The following PI15 variants were observed in gnomAD, a reference collection of about 807,000 sequenced individuals.
PI15 encodes the protein peptidase inhibitor 15, also known as 25 kDa trypsin inhibitor.
A neutral mutation model predicts 31.0 loss-of-function variants in PI15; 18 were observed. The ratio of observed to expected loss-of-function variants is 0.58; its 90% confidence interval spans 0.40 to 0.86. The LOEUF (loss-of-function observed/expected upper bound fraction) is 0.86, where lower values mean the gene tolerates loss of function less well. Among genes scored for constraint, PI15 ranks in the 40% least tolerant of loss-of-function variants. PI15 has a pLI of 0.00. For synonymous variants in PI15, 118 were observed against 119.1 expected (o/e 0.99, Z 0.06); for missense variants, 282 against 328.1 (o/e 0.86, Z 1.09).
chr8:74,851,746 C>A lies in PI15; in HGVS notation c.*2493C>A, dbSNP rs1194320271. On this transcript the variant is annotated 3_prime_UTR_variant, in exon 6 of 6. Transcript: ENST00000260113. ...AAATCCCACCTTTCCATGCTTAAGA[C>A]AAAAATGTCTTAAATATAAAGCTGT... The A allele has an allele frequency of 5.9e-5, 9 of 151,726 alleles. No individual in the cohort carries two copies. The highest frequency in any genetic ancestry group is 5.9e-4 in the Admixed American group (9 of 15,220). 9.4% of individuals were successfully genotyped at this position (151,726 alleles called of 1,614,324 possible).
chr8:74,854,862 C>T lies in PI15; in HGVS notation c.*5609C>T, dbSNP rs1811158708. 6.6e-6 allele frequency: 1 copy of T among 151,980 alleles called. No homozygotes were observed. Among genetic ancestry groups the T allele is most frequent in the Non-Finnish European group, 1.5e-5 (1 of 67,990 alleles). The allele number at this position is 151,980 out of a possible 1,614,324, so 9.4% of individuals were successfully genotyped here. On this transcript the variant is annotated 3_prime_UTR_variant, in exon 6 of 6. Coordinates refer to ENST00000260113, the MANE Select transcript of PI15 (RefSeq NM_015886.5). ...CAGATTAATTTGGAGAAGTTTTATT[C>T]ATTACCTAATTCTGTGGCAAAAATG...
intron 2 of PI15, among the ~76,000 whole-genome samples, chr8:74,832,869 C>T (rs1810806393): frequency 6.6e-6 from 1 of 152,138 alleles, no homozygotes; most frequent in African/African-American, 2.4e-5. Flanking sequence ...TAAAATTTCA[C>T]ACCACATACT....
At chr8:74,845,038 G>T in intron 3 of PI15, 90 bp from the exon 4 acceptor site, 1 of 1,118,640 alleles carries the variant, frequency 8.9e-7, no homozygotes, top group East Asian at 2.4e-5. Context: ...TGAATAATCT[G>T]CAAAAAGAAC....
rs374827025 is a variant in PI15, at chr8:74,845,256, C to T, written c.521C>T (p.Thr174Met). 187 of 1,612,978 alleles carry T rather than the reference C, an allele frequency of 1.2e-4. No individual in the cohort carries two copies. The highest frequency in any genetic ancestry group is 1.2e-4 in the Non-Finnish European group (147 of 1,179,084). Residue 174 changes from threonine to methionine, a missense_variant, in exon 4 of 6, where the codon ACG (threonine) becomes ATG (methionine). Physicochemically the swap from Thr to Met is moderately conservative, Grantham distance 81. Coordinates refer to ENST00000260113, the MANE Select transcript of PI15 (RefSeq NM_015886.5). ...RCFGPMCTHY[T>M]QMVWATSNRI... is the part of the protein sequence containing the mutation. ...TTTGGTCCCATGTGCACACATTATA[C>T]GCAGGTTATTTCAATTACCTTGTTA...
intron 3 of PI15, 55 bp from the exon 4 acceptor site, chr8:74,845,073 T>C: frequency 2.8e-6 from 4 of 1,423,852 alleles, no homozygotes; most frequent in Non-Finnish European, 4.0e-6. Context: ...GTAACATGAG[T>C]CCCTTATATA....
intron 4 of PI15, 50 bp from the exon 5 acceptor site, chr8:74,845,332 C>G: frequency 6.4e-7 from 1 of 1,574,590 alleles, no homozygotes; most frequent in Non-Finnish European, 8.7e-7. Context: ...GGTGGACATG[C>G]ATTGTCTTAG....
chr8:74,838,294 T>C (rs1453684742), intron 2 of PI15, among the ~76,000 whole-genome samples: 1 of 152,074 alleles, frequency 6.6e-6, no homozygotes, highest in Non-Finnish European at 1.5e-5. Context: ...TATTTTAAAT[T>C]GAAAATGTAG....
At position 74,825,385 on chromosome 8, in the gene PI15, G is replaced by A; in HGVS notation, c.136G>A (p.Ala46Thr). Reference sequence around the variant, plus strand: ...CACTGATATTGAAGCAGCTCTGAAAGCACAATTAGATTCAGCGGATATCCC... The same window carrying A: ...CACTGATATTGAAGCAGCTCTGAAAACACAATTAGATTCAGCGGATATCCC... ...NFTDIEAALKAQLDSADIPKA... is the reference protein window; with the variant it reads ...NFTDIEAALKTQLDSADIPKA... The change falls in exon 2 of 6, where the codon GCA becomes ACA. Residue 46 changes from alanine to threonine, a missense_variant. Coordinates refer to ENST00000260113, the MANE Select transcript of PI15 (RefSeq NM_015886.5). 2 of 1,613,488 alleles carry A rather than the reference G, an allele frequency of 1.2e-6. No individual in the cohort carries two copies. The highest frequency in any genetic ancestry group is 1.7e-6 in the Non-Finnish European group (2 of 1,179,662).
chr8:74,828,585 A>T (rs1252531942), intron 2 of PI15, among the ~76,000 whole-genome samples: 1 of 152,106 alleles, frequency 6.6e-6, no homozygotes, highest in African/African-American at 2.4e-5. Context: ...CTTGTTCAAC[A>T]TTGATTTGGA....
chr8:74,846,646 T>C (rs1385490454), intron 5 of PI15, among the ~76,000 whole-genome samples: 21 of 152,188 alleles, frequency 1.4e-4, no homozygotes, highest in African/African-American at 4.8e-4. Flanking sequence ...CATGCTACAT[T>C]TCAGTTGTAA....
chr8:74,846,173 G>C lies in PI15; in HGVS notation c.641+676G>C, dbSNP rs1048100319. On this transcript the variant is annotated intron_variant, in intron 5 of 5. Coordinates refer to ENST00000260113, the MANE Select transcript of PI15 (RefSeq NM_015886.5). ...TGTGCAAAGGATTTATGACACTCTT[G>C]GTGTCTTCCAAAATAAGTCTCAAAC... is the stretch of plus-strand genomic sequence containing the variant. Among the ~76,000 whole-genome samples the C allele has an allele frequency of 2.6e-5, 4 of 152,072 alleles. 1 individual carries two copies. Among genetic ancestry groups the C allele is most frequent in the African/African-American group, 4.8e-5 (2 of 41,416 alleles).
intron 2 of PI15, among the ~76,000 whole-genome samples, chr8:74,842,901 A>G (rs1237180539): frequency 6.6e-6 from 1 of 152,158 alleles, no homozygotes; most frequent in Non-Finnish European, 1.5e-5. Flanking sequence ...TGTTTTTATA[A>G]CACTATGTAG....
rs1356409226 is a variant in PI15, at chr8:74,851,385, T to C, written c.*2132T>C. ...TTAAACAGAAGATGGCTACACTAAG[T>C]TCCAATTTTGTTGCTGAATTGCTTC... On this transcript the variant is annotated 3_prime_UTR_variant, in exon 6 of 6. Transcript: ENST00000260113. The C allele has an allele frequency of 6.6e-6, 1 of 152,048 alleles. No individual in the cohort carries two copies. The highest frequency in any genetic ancestry group is 1.5e-5 in the Non-Finnish European group (1 of 67,942). The allele number at this position is 152,048 out of a possible 1,614,324, so 9.4% of individuals were successfully genotyped here.
At chr8:74,844,543 G>A (rs1190169490) in intron 3 of PI15, among the ~76,000 whole-genome samples, 2 of 150,998 alleles carry the variant, frequency 1.3e-5, no homozygotes, top group Non-Finnish European at 2.9e-5. Flanking sequence ...AAAAATGTAG[G>A]CATTTACATA....
intron 2 of PI15, among the ~76,000 whole-genome samples, chr8:74,839,853 C>G: frequency 6.6e-6 from 1 of 152,108 alleles, no homozygotes; most frequent in East Asian, 1.9e-4. Flanking sequence ...GCTACAAACA[C>G]TCAGAGAAAT....
intron 2 of PI15, among the ~76,000 whole-genome samples, chr8:74,832,680 A>T (rs1488022957): frequency 6.6e-6 from 1 of 152,194 alleles, no homozygotes; most frequent in Admixed American, 6.5e-5. Flanking sequence ...AAAATGGTCA[A>T]GAAAGATGTT....
In PI15 at chr8:74,850,100, T is replaced by C. The variant is rs1240417592; in HGVS notation, c.*847T>C. On this transcript the variant is annotated 3_prime_UTR_variant, in exon 6 of 6. Coordinates refer to ENST00000260113, the MANE Select transcript of PI15 (RefSeq NM_015886.5). The stretch of plus-strand genomic sequence containing the variant: ...GACTAGTGATTTTGCTATAAAATTA[T>C]TTTTGAAGGAAGCAGACACAGCAGT... 2 of 152,220 alleles carry C rather than the reference T, an allele frequency of 1.3e-5. No homozygotes were observed. The highest frequency in any genetic ancestry group is 1.3e-4 in the Admixed American group (2 of 15,280). The allele number at this position is 152,220 out of a possible 1,614,324, so 9.4% of individuals were successfully genotyped here.
At chr8:74,828,376 A>G (rs908392887) in intron 2 of PI15, among the ~76,000 whole-genome samples, 1 of 152,050 alleles carries the variant, frequency 6.6e-6, no homozygotes, top group Non-Finnish European at 1.5e-5. Flanking sequence ...GAGTGAAATC[A>G]TAAGTTAGAA....
intron 2 of PI15, among the ~76,000 whole-genome samples, chr8:74,842,696 G>A (rs557682731): frequency 1.3e-5 from 2 of 152,220 alleles, no homozygotes; most frequent in East Asian, 3.9e-4. Flanking sequence ...ATGGAAATGA[G>A]TATGTCAATC....
Sources: allele counts gnomAD v4.1 joint callset (sites outside exome capture counted in the v4.1 genomes callset), GRCh38; gene constraint gnomAD v4.1.1; transcripts MANE v1.5; gene names NCBI Gene and HGNC (gene_info 2026-07-23, HGNC 2026-07-21).